The following GIT2 variants were observed in gnomAD, a reference collection of about 807,000 sequenced individuals.
GIT2 encodes the protein ARF GTPase-activating protein GIT2.
In GIT2, 32 loss-of-function variants were observed where a neutral mutation model predicts 100.3. The observed-to-expected ratio is 0.32, with a 90% CI of 0.24 to 0.43. GIT2 has a LOEUF of 0.43. Ranked by LOEUF, GIT2 falls within the 20% of genes least tolerant of loss-of-function variation. GIT2 has a pLI of 1.00. For missense variants in GIT2, 737 were observed against 975.1 expected (o/e 0.76, Z 3.25); for synonymous variants, 353 against 364.1 (o/e 0.97, Z 0.35).
At chr12:109,979,120 C>G (rs1263653053) in intron 7 of GIT2, among the ~76,000 whole-genome samples, 1 of 152,116 alleles carries the variant, frequency 6.6e-6, no homozygotes, top group Non-Finnish European at 1.5e-5. Context: ...TGTGCTGCCA[C>G]TGCTGCTGCT....
rs138746971 is a variant in GIT2 at position 109,976,749 on chromosome 12, C to T, written c.718+4203G>A. Among the ~76,000 whole-genome samples, 1,144 of 151,860 alleles carry T rather than the reference C, an allele frequency of 7.5e-3. 19 individuals are homozygous for T. The highest frequency in any genetic ancestry group is 0.027 in the African/African-American group (1,098 of 41,378). On this transcript the variant is annotated intron_variant, in intron 7 of 19. Coordinates refer to ENST00000355312, the MANE Select transcript of GIT2 (RefSeq NM_057169.5). ...GTTTACAGGCATGTACCACCATGCC[C>T]GGTTAATTTTTGTAGTTTTAGTAGA...
At chr12:109,994,576 A>C (rs1821376569) in intron 1 of GIT2, among the ~76,000 whole-genome samples, 2 of 152,224 alleles carry the variant, frequency 1.3e-5, no homozygotes, top group African/African-American at 4.8e-5. Context: ...GAAGTGACTC[A>C]AGTCTCTGCA....
In GIT2 at chr12:109,996,322, G is replaced by C. The variant is rs1889421260; in HGVS notation, c.-98C>G. On this transcript the variant is annotated 5_prime_UTR_variant, in exon 1 of 20. Transcript: ENST00000355312. ...GCTCTAACGGGTCCCAGCTGCGGCG[G>C]CGCTGACGGCGGCGCCTCTCCCCTC... 2.5e-6 allele frequency: 2 copies of C among 807,168 alleles called. No individual in the cohort carries two copies. The highest frequency in any genetic ancestry group is 1.8e-5 in the South Asian group (1 of 56,840). 50.0% of individuals were successfully genotyped at this position (807,168 alleles called of 1,614,324 possible).
chr12:109,999,504 C>G (rs1341508765), upstream of GIT2: 1 of 313,420 alleles, frequency 3.2e-6, no homozygotes, highest in African/African-American at 2.2e-5. This position sits in a 1 kb window ranked among gnomAD's most constrained non-coding sequence, Gnocchi z 4.3. Flanking sequence ...GACCTGGTCC[C>G]TGAGCCGGCC....
At chr12:109,978,084 T>G (rs990493499) in intron 7 of GIT2, among the ~76,000 whole-genome samples, 3 of 128,378 alleles carry the variant, frequency 2.3e-5, no homozygotes, top group Non-Finnish European at 4.6e-5. Flanking sequence ...AGGTTTTTTT[T>G]TTTTTTTTTT....
chr12:109,982,582 T>G (rs2136805849), intron 6 of GIT2: 1 of 152,248 alleles, frequency 6.6e-6, no homozygotes, highest in Non-Finnish European at 1.5e-5. Flanking sequence ...ACCTATAGAT[T>G]TATTTTTCAA....
rs1877012845 is a variant in GIT2, at chr12:109,948,713, A to T, written c.1393-1209T>A. 1.3e-6 allele frequency: 2 copies of T among 1,487,518 alleles called. No homozygotes were observed. The highest frequency in any genetic ancestry group is 2.7e-5 in the Admixed American group (1 of 36,470). The allele number at this position is 1,487,518 out of a possible 1,614,324, so 92.1% of individuals were successfully genotyped here. On this transcript the variant is annotated intron_variant, in intron 14 of 19. Coordinates refer to ENST00000355312, the MANE Select transcript of GIT2 (RefSeq NM_057169.5). This position sits in a 1 kb window ranked among gnomAD's most constrained non-coding sequence, Gnocchi z 4.3. ...CACAAGCAACTGTTTGCACCAGAAG[A>T]TCATTACTTTTTCAGTAGCAAACCC... is the stretch of plus-strand genomic sequence containing the variant.
At chr12:109,965,937 C>T (rs957686267) in intron 8 of GIT2, among the ~76,000 whole-genome samples, 5 of 150,996 alleles carry the variant, frequency 3.3e-5, no homozygotes, top group Non-Finnish European at 5.9e-5. Flanking sequence ...CGATGGCTCC[C>T]GCCTATAATC....
intron 4 of GIT2, among the ~76,000 whole-genome samples, chr12:109,984,103 T>G (rs943084622): frequency 7.9e-5 from 12 of 152,066 alleles, no homozygotes; most frequent in Admixed American, 3.3e-4. Context: ...AACCTCACTT[T>G]CCTCATCTCA....
chr12:109,958,339 T>C (rs1880130882), intron 12 of GIT2, among the ~76,000 whole-genome samples: 1 of 151,952 alleles, frequency 6.6e-6, no homozygotes, highest in African/African-American at 2.4e-5. Context: ...TCTCCCAGGT[T>C]CACGCAATTC....
rs554187650 is a variant in GIT2 at position 109,935,712 on chromosome 12, T to C, written c.2004-1627A>G. ...CGCCCAGCCAGTGAAGAGTTTTATA[T>C]TTTGTTGTTTATGGTTTCATTTTTG... On this transcript the variant is annotated intron_variant, in intron 18 of 19. Coordinates refer to ENST00000355312, the MANE Select transcript of GIT2 (RefSeq NM_057169.5). Among the ~76,000 whole-genome samples the C allele has an allele frequency of 4.6e-5, 7 of 152,328 alleles. No homozygotes were observed. The East Asian group carries it at 1.3e-3, about 29-fold the overall frequency.
chr12:109,932,487 C>T lies in GIT2; in HGVS notation c.*491G>A, dbSNP rs763148809. 8 of 156,792 alleles carry T rather than the reference C, an allele frequency of 5.1e-5. No individual in the cohort carries two copies. Among genetic ancestry groups the T allele is most frequent in the Non-Finnish European group, 9.9e-5 (7 of 70,910 alleles). The allele number at this position is 156,792 out of a possible 1,614,324, so 9.7% of individuals were successfully genotyped here. A position where few individuals can be genotyped will look rare whatever the true frequency, so the allele number is the denominator to read the frequency against. ...AGCGGCAAAGTCCTTTCTCTACATA[C>T]ATGCTTGGAGATACCCCAAACTTAG... On this transcript the variant is annotated 3_prime_UTR_variant, in exon 20 of 20. Coordinates refer to ENST00000355312, the MANE Select transcript of GIT2 (RefSeq NM_057169.5).
At chr12:109,967,633 A>T in intron 7 of GIT2, 130 bp from the exon 8 acceptor site, 1 of 686,246 alleles carries the variant, frequency 1.5e-6, no homozygotes, top group Middle Eastern at 4.0e-4. Flanking sequence ...TCATGTTGCT[A>T]GACTAGCTAA....
Position 109,989,024 on chromosome 12 carries a change from G to T in GIT2, c.344C>A (p.Ala115Glu). 6.2e-7 allele frequency: 1 copy of T among 1,613,004 alleles called. No homozygotes were observed. Among genetic ancestry groups the T allele is most frequent in the Non-Finnish European group, 8.5e-7 (1 of 1,179,042 alleles). Residue 115 changes from alanine (A) to glutamate (E), a missense_variant, in exon 4 of 20, where the codon GCG (alanine) becomes GAG (glutamate). Ala to Glu is a moderately radical substitution (Grantham distance 107, BLOSUM62 -1). Around this residue, in one of 3 missense-constraint regions of GIT2, gnomAD observed 266 missense variants for 376.2 expected, o/e 0.71. Coordinates refer to ENST00000355312, the MANE Select transcript of GIT2 (RefSeq NM_057169.5). ...CCGGCAGGGCAAGCGATGGACGAAC[G>T]CTAACATCTGATACTTGGCTCTGAT... ...EFIRAKYQMLAFVHRLPCRDD... is the reference protein window; with the variant it reads ...EFIRAKYQMLEFVHRLPCRDD...
At chr12:110,000,008 G>A (rs968871956), upstream of GIT2, among the ~76,000 whole-genome samples, 1 of 152,170 alleles carries the variant, frequency 6.6e-6, no homozygotes, top group African/African-American at 2.4e-5. Flanking sequence ...ACGCTGGTGG[G>A]TAGGTACTGT....
chr12:109,947,948 A>C lies in GIT2; in HGVS notation c.1393-444T>G. On this transcript the variant is annotated intron_variant, in intron 14 of 19. Coordinates refer to ENST00000355312, the MANE Select transcript of GIT2 (RefSeq NM_057169.5). The surrounding 1 kb of genome is among the most constrained non-coding windows in gnomAD (Gnocchi z 4.3). ...GTAAAGGCCAAAAATGACAGCAGAC[A>C]CCATGGAAGCAGCACAAAGATGACT... The C allele has an allele frequency of 5.4e-6, 1 of 183,688 alleles. No individual in the cohort carries two copies. The highest frequency in any genetic ancestry group is 1.0e-5 in the Non-Finnish European group (1 of 95,606). 11.4% of individuals were successfully genotyped at this position (183,688 alleles called of 1,614,324 possible).
rs1218872077 is a variant in GIT2 at position 109,985,296 on chromosome 12, C to CA, written c.406-1603dup. Reference sequence around the variant, plus strand: ...TAAAACTCTGGCAAGGAAAAAAAAACAAAAAACAAAAAACCCAACACATAC... The same window carrying CA: ...TAAAACTCTGGCAAGGAAAAAAAAACAAAAAAACAAAAAACCCAACACATAC... On this transcript the variant is annotated intron_variant, in intron 4 of 19. Transcript: ENST00000355312. Among the ~76,000 whole-genome samples the CA allele has an allele frequency of 7.3e-5, 11 of 150,312 alleles. No homozygotes were observed. In the East Asian group the frequency reaches 1.2e-3, roughly 16 times the overall value.
At chr12:109,935,424 C>T (rs9888359) in intron 18 of GIT2, among the ~76,000 whole-genome samples, 27,592 of 152,098 alleles carry the variant, frequency 0.18, 4,858 homozygotes, top group African/African-American at 0.47. Flanking sequence ...CTCGCTCTGT[C>T]GCTCAGGCTG....
intron 16 of GIT2, among the ~76,000 whole-genome samples, chr12:109,943,636 G>A (rs1224213386): frequency 1.3e-5 from 2 of 151,028 alleles, no homozygotes; most frequent in Non-Finnish European, 2.9e-5. Context: ...ACCCAGCCGA[G>A]ACTTTAAGTA....
Sources: gnomAD v4.1 joint callset for allele counts (sites outside exome capture counted in the v4.1 genomes callset) on GRCh38, gnomAD v4.1.1 for gene constraint, gnomAD v4.1.1 regional missense constraint, Gnocchi (gnomAD v3.1) non-coding constraint, MANE v1.5 for transcripts, NCBI Gene and HGNC (gene_info 2026-07-23, HGNC 2026-07-21) for gene names.